The following DSCAM variants were observed in gnomAD, a reference collection of about 807,000 sequenced individuals.
The protein encoded by DSCAM is cell adhesion molecule DSCAM.
Under a neutral mutation model 217.7 loss-of-function variants are expected in DSCAM, and 47 were observed. The observed-to-expected ratio is 0.22, with a 90% CI of 0.17 to 0.28. DSCAM has a LOEUF of 0.28. DSCAM is among the 10% of genes least tolerant of loss of function. The pLI is 1.00. For synonymous variants in DSCAM, 1,056 were observed against 1,015.3 expected (o/e 1.04, Z -0.76); for missense variants, 2,080 against 2,618.3 (o/e 0.79, Z 4.49).
At chr21:40,232,695 C>T (rs1217115740) in intron 11 of DSCAM, among the ~76,000 whole-genome samples, 1 of 152,036 alleles carries the variant, frequency 6.6e-6, no homozygotes, top group Non-Finnish European at 1.5e-5. Flanking sequence ...TGCAGTTTAG[C>T]TGTAATTTTT....
chr21:40,684,837 T>A (rs1483354202), intron 3 of DSCAM, among the ~76,000 whole-genome samples: 2 of 152,234 alleles, frequency 1.3e-5, no homozygotes, highest in Admixed American at 6.5e-5. Flanking sequence ...TGAAAACTCT[T>A]AGATGAACAA....
At chr21:40,540,542 A>G (rs529172687) in intron 3 of DSCAM, among the ~76,000 whole-genome samples, 1 of 152,182 alleles carries the variant, frequency 6.6e-6, no homozygotes, top group Non-Finnish European at 1.5e-5. Flanking sequence ...TAATTCTTCC[A>G]CATTGTAGGA....
chr21:40,741,693 GA>G (rs1191980516), intron 1 of DSCAM, among the ~76,000 whole-genome samples: 1 of 152,174 alleles, frequency 6.6e-6, no homozygotes, highest in East Asian at 1.9e-4. Flanking sequence ...ATACTTCTTA[GA>G]AAAGCAGTAA....
intron 11 of DSCAM, among the ~76,000 whole-genome samples, chr21:40,270,490 T>A (rs149006802): frequency 6.6e-6 from 1 of 152,156 alleles, no homozygotes; most frequent in South Asian, 2.1e-4. Flanking sequence ...ATAAGCTGGG[T>A]GTTCACAAAC....
At chr21:40,115,299 C>A (rs529476616) in intron 20 of DSCAM, among the ~76,000 whole-genome samples, 32 of 151,914 alleles carry the variant, frequency 2.1e-4, no homozygotes, top group Admixed American at 4.6e-4. Context: ...TCATTCTGAG[C>A]AAACTATCGC....
rs2089499074 is a variant in DSCAM at position 40,084,009 on chromosome 21, G to A, written c.4133-3C>T. 1 of 1,607,914 alleles carries A rather than the reference G, an allele frequency of 6.2e-7. No individual in the cohort carries two copies. Among genetic ancestry groups the A allele is most frequent in the African/African-American group, 1.3e-5 (1 of 74,594 alleles). On this transcript the variant is annotated splice_polypyrimidine_tract_variant and splice_region_variant and intron_variant, in intron 23 of 32. Transcript: ENST00000400454. ...AAGCCGAGGCTGATCTGGTGGAACTGGAGAGGAAACAGTTTTTAGAAAACA... is the reference window on the plus strand; with the variant it reads ...AAGCCGAGGCTGATCTGGTGGAACTAGAGAGGAAACAGTTTTTAGAAAACA...
chr21:40,814,644 AG>A (rs1259335849), intron 1 of DSCAM, among the ~76,000 whole-genome samples: 4 of 152,216 alleles, frequency 2.6e-5, no homozygotes, highest in African/African-American at 9.6e-5. Flanking sequence ...TTAATCATGA[AG>A]AAGAGCGGGA....
At chr21:40,471,312 A>C (rs753981389) in intron 3 of DSCAM, among the ~76,000 whole-genome samples, 2 of 152,188 alleles carry the variant, frequency 1.3e-5, no homozygotes, top group Non-Finnish European at 2.9e-5. Flanking sequence ...GGGGAAGTGA[A>C]CTTCACTAGG....
chr21:40,360,188 G>C (rs1382495188), intron 4 of DSCAM, among the ~76,000 whole-genome samples: 2 of 139,644 alleles, frequency 1.4e-5, no homozygotes, highest in Non-Finnish European at 3.0e-5. Flanking sequence ...CTAGAGTGCA[G>C]TGGCGTGATC....
At chr21:40,014,803 C>T (rs929584198) in intron 32 of DSCAM, among the ~76,000 whole-genome samples, 2 of 152,250 alleles carry the variant, frequency 1.3e-5, no homozygotes, top group African/African-American at 4.8e-5. Flanking sequence ...TCTCAAAAAC[C>T]TGAACTGACA....
chr21:40,396,977 CAT>C (rs1273535412), intron 3 of DSCAM, among the ~76,000 whole-genome samples: 1 of 152,120 alleles, frequency 6.6e-6, no homozygotes, highest in Non-Finnish European at 1.5e-5. Context: ...CCTCACCTAT[CAT>C]GATTGCCTAA....
intron 1 of DSCAM, among the ~76,000 whole-genome samples, chr21:40,728,540 T>A (rs2146520878): frequency 6.6e-6 from 1 of 152,220 alleles, no homozygotes; most frequent in African/African-American, 2.4e-5. Context: ...TGCCTCAGCC[T>A]CCTGAGTAGC....
intron 3 of DSCAM, among the ~76,000 whole-genome samples, chr21:40,476,900 T>G (rs1197723179): frequency 6.6e-6 from 1 of 152,218 alleles, no homozygotes; most frequent in Non-Finnish European, 1.5e-5. Context: ...GAAAAACGTT[T>G]ACTTTCTCAC....
intron 3 of DSCAM, among the ~76,000 whole-genome samples, chr21:40,417,060 A>T (rs1239236607): frequency 6.6e-6 from 1 of 152,180 alleles, no homozygotes; most frequent in Non-Finnish European, 1.5e-5. Context: ...CTATATCTGT[A>T]ACTCTGACGT....
chr21:40,563,218 C>A (rs937213845), intron 3 of DSCAM, among the ~76,000 whole-genome samples: 3 of 151,832 alleles, frequency 2.0e-5, no homozygotes, highest in African/African-American at 7.3e-5. Flanking sequence ...ATTTTTTTTA[C>A]TGAAAGTCAT....
chr21:40,430,079 G>C (rs997938569), intron 3 of DSCAM, among the ~76,000 whole-genome samples: 2 of 152,092 alleles, frequency 1.3e-5, no homozygotes, highest in Non-Finnish European at 1.5e-5. Flanking sequence ...ACATAGAGGG[G>C]GCTGGTCGCT....
At chr21:40,326,939 T>A (rs960230658) in intron 8 of DSCAM, among the ~76,000 whole-genome samples, 2 of 149,618 alleles carry the variant, frequency 1.3e-5, no homozygotes, top group African/African-American at 4.9e-5. Context: ...TATATTTATA[T>A]TTGTGTTTTA....
intron 28 of DSCAM, among the ~76,000 whole-genome samples, chr21:40,058,566 GATTTATT>G: frequency 6.6e-6 from 1 of 152,126 alleles, no homozygotes; most frequent in Non-Finnish European, 1.5e-5. Flanking sequence ...TCCTCACATT[GATTTATT>G]TTGAGGGCAC....
intron 3 of DSCAM, among the ~76,000 whole-genome samples, chr21:40,671,984 C>T (rs1024396538): frequency 6.6e-6 from 1 of 152,088 alleles, no homozygotes; most frequent in African/African-American, 2.4e-5. Flanking sequence ...AATCAAGTTT[C>T]CAGCCACTGT....
Sources: allele counts gnomAD v4.1 joint callset (sites outside exome capture counted in the v4.1 genomes callset), GRCh38; gene constraint gnomAD v4.1.1; transcripts MANE v1.5; gene names NCBI Gene and HGNC (gene_info 2026-07-23, HGNC 2026-07-21).